RAB18: variants seen among roughly 807,000 people sequenced by gnomAD.
RAB18 encodes the protein RAB18, member RAS oncogene family.
RAB18 carries 10 observed loss-of-function variants against 28.5 expected under a neutral mutation model. The ratio of observed to expected loss-of-function variants is 0.35; its 90% CI spans 0.22 to 0.60. The LOEUF (loss-of-function observed/expected upper bound fraction) is 0.60. RAB18 is among the 20% of genes least tolerant of loss of function. RAB18 has a pLI of 0.78. For missense variants in RAB18, 188 were observed against 244.2 expected (o/e 0.77, Z 1.53); for synonymous variants, 93 against 86.9 (o/e 1.07, Z -0.39).
intron 2 of RAB18, chr10:27,510,168 A>G (rs1056704485): frequency 1.8e-6 from 1 of 547,590 alleles, no homozygotes; most frequent in African/African-American, 1.9e-5. Context: ...AAAACTGCTA[A>G]TGTGATTATC....
intron 1 of RAB18, among the ~76,000 whole-genome samples, chr10:27,506,985 T>C (rs1487841995): frequency 2.0e-5 from 3 of 152,246 alleles, no homozygotes; most frequent in Non-Finnish European, 1.5e-5. Flanking sequence ...TAGCTAGATA[T>C]ACATTATTGG....
intron 2 of RAB18, among the ~76,000 whole-genome samples, chr10:27,515,228 A>G (rs1223389570): frequency 6.6e-6 from 1 of 152,174 alleles, no homozygotes; most frequent in African/African-American, 2.4e-5. Context: ...ATTGGTAAGC[A>G]TGGAAATTAG....
intron 1 of RAB18, chr10:27,504,845 G>C (rs960827746): frequency 2.2e-6 from 1 of 464,822 alleles, no homozygotes; most frequent in Non-Finnish European, 4.4e-6. Context: ...GGGAGACATA[G>C]CTTTCCCACT....
rs1322156022 is a variant in RAB18, at chr10:27,542,114, G to A, written c.*4063G>A. 2 of 454,008 alleles carry A rather than the reference G, an allele frequency of 4.4e-6. No homozygotes were observed. The highest frequency in any genetic ancestry group is 8.8e-6 in the Non-Finnish European group (2 of 226,800). The allele number at this position is 454,008 out of a possible 1,614,324, so 28.1% of individuals were successfully genotyped here. ...AATATAAAGGAACCAGCCTGAGGCA[G>A]TACCAGGGTGAGAGGGAGTCTATTG... On this transcript the variant is annotated 3_prime_UTR_variant, in exon 7 of 7. Transcript: ENST00000356940.
Position 27,541,344 on chromosome 10 carries a change from CTTTT to C in RAB18, c.*3305_*3308del, listed in dbSNP as rs36085130. On this transcript the variant is annotated 3_prime_UTR_variant, in exon 7 of 7. Transcript: ENST00000356940. Reference sequence around the variant, plus strand: ...CTAAGGAATATAGAATCACCCAGGTCTTTTTTTTTTTTTTTAATTTTTCTCTCCT... The same window carrying C: ...CTAAGGAATATAGAATCACCCAGGTCTTTTTTTTTTTAATTTTTCTCTCCT... 4 of 421,858 alleles carry C rather than the reference CTTTT, an allele frequency of 9.5e-6. No homozygotes were observed. In the East Asian group the frequency reaches 2.1e-4, roughly 22 times the overall value. 26.1% of individuals were successfully genotyped at this position (421,858 alleles called of 1,614,324 possible).
chr10:27,541,662 C>T lies in RAB18; in HGVS notation c.*3611C>T, dbSNP rs770577425. ...TTTTTTTTTTTTCCTCTTTTTTAAC[C>T]GGAGAAGCAACAAATTACGTAGTTT... On this transcript the variant is annotated 3_prime_UTR_variant, in exon 7 of 7. Coordinates refer to ENST00000356940, the MANE Select transcript of RAB18 (RefSeq NM_021252.5). 81 of 449,204 alleles carry T rather than the reference C, an allele frequency of 1.8e-4. No homozygotes were observed. The highest frequency in any genetic ancestry group is 1.4e-3 in the Admixed American group (59 of 41,834). 27.8% of individuals were successfully genotyped at this position (449,204 alleles called of 1,614,324 possible).
chr10:27,530,403 A>G (rs1380017514), intron 3 of RAB18, among the ~76,000 whole-genome samples: 1 of 151,452 alleles, frequency 6.6e-6, no homozygotes, highest in East Asian at 1.9e-4. Flanking sequence ...TTGTCTTTTC[A>G]GTAATGGCTT....
intron 2 of RAB18, among the ~76,000 whole-genome samples, chr10:27,516,863 G>C (rs1354288322): frequency 1.3e-5 from 2 of 152,188 alleles, no homozygotes; most frequent in East Asian, 3.8e-4. Flanking sequence ...GTTGAAAATA[G>C]ATGAACCAGG....
At chr10:27,514,765 G>GT (rs977730513) in intron 2 of RAB18, among the ~76,000 whole-genome samples, 5 of 151,208 alleles carry the variant, frequency 3.3e-5, no homozygotes, top group Non-Finnish European at 5.9e-5. Context: ...AAGTTTTTTT[G>GT]TTTTTTTGTT....
At chr10:27,532,839 G>A (rs1049050622) in intron 4 of RAB18, among the ~76,000 whole-genome samples, 6 of 152,056 alleles carry the variant, frequency 3.9e-5, no homozygotes, top group Non-Finnish European at 8.8e-5. Flanking sequence ...GGATTAATCA[G>A]CATATGTTGG....
intron 3 of RAB18, among the ~76,000 whole-genome samples, chr10:27,530,723 T>C (rs1048637056): frequency 1.3e-5 from 2 of 151,902 alleles, no homozygotes; most frequent in African/African-American, 4.8e-5. Flanking sequence ...CTAAAAGTGG[T>C]GACACTTTTA....
chr10:27,536,343 A>C (rs1463517703), intron 6 of RAB18, among the ~76,000 whole-genome samples: 1 of 152,164 alleles, frequency 6.6e-6, no homozygotes, highest in Non-Finnish European at 1.5e-5. Flanking sequence ...ACGTGGATAG[A>C]AAAGGGCTGA....
At chr10:27,530,155 G>A (rs1446418384) in intron 3 of RAB18, among the ~76,000 whole-genome samples, 1 of 151,938 alleles carries the variant, frequency 6.6e-6, no homozygotes, top group African/African-American at 2.4e-5. Flanking sequence ...TGGAAGTTAT[G>A]GATACAGTTT....
At chr10:27,527,698 A>G (rs1345871568) in intron 3 of RAB18, among the ~76,000 whole-genome samples, 1 of 152,130 alleles carries the variant, frequency 6.6e-6, no homozygotes, top group Non-Finnish European at 1.5e-5. Context: ...CTGATCAGTC[A>G]TCAAATCGAG....
chr10:27,541,549 C>A lies in RAB18; in HGVS notation c.*3498C>A, dbSNP rs899544464. On this transcript the variant is annotated 3_prime_UTR_variant, in exon 7 of 7. Coordinates refer to ENST00000356940, the MANE Select transcript of RAB18 (RefSeq NM_021252.5). ...TTCAATGAATGTAAGCACACACACA[C>A]CTACACACATATTTTGAATAGTCGT... 1 of 453,826 alleles carries A rather than the reference C, an allele frequency of 2.2e-6. No individual in the cohort carries two copies. The highest frequency in any genetic ancestry group is 2.4e-5 in the Admixed American group (1 of 42,552). 28.1% of individuals were successfully genotyped at this position (453,826 alleles called of 1,614,324 possible).
intron 6 of RAB18, 115 bp downstream of exon 6, chr10:27,534,109 A>G: frequency 9.8e-7 from 1 of 1,017,616 alleles, no homozygotes; most frequent in Non-Finnish European, 1.5e-6. Context: ...TATTGTTCCT[A>G]GTTGCCTTGT....
Position 27,533,715 on chromosome 10 carries a change from A to G in RAB18, c.260-20A>G, listed in dbSNP as rs948674585. The stretch of plus-strand genomic sequence containing the variant: ...TTCTTTCTTTAATGCTTATTTAACA[A>G]ATGACTCCTTTTATTTCAGTTTATG... On this transcript the variant is annotated intron_variant, in intron 4 of 6. Transcript: ENST00000356940. 3 of 1,611,072 alleles carry G rather than the reference A, an allele frequency of 1.9e-6. No homozygotes were observed. The highest frequency in any genetic ancestry group is 2.5e-6 in the Non-Finnish European group (3 of 1,178,982).
intron 3 of RAB18, among the ~76,000 whole-genome samples, chr10:27,528,110 TTTA>T (rs1564834761): frequency 6.6e-6 from 1 of 152,150 alleles, no homozygotes; most frequent in Non-Finnish European, 1.5e-5. Flanking sequence ...TCATGGTTAA[TTTA>T]TTATCCCTTT....
Position 27,504,313 on chromosome 10 carries a change from A to G in RAB18, c.-57A>G. On this transcript the variant is annotated 5_prime_UTR_variant, in exon 1 of 7. Transcript: ENST00000356940. ...GCATGCGCAGCAGCTCACTCTGCTG[A>G]AGGGCTGAGAGGCGCACCCGGGCGG... 6.6e-7 allele frequency: 1 copy of G among 1,518,626 alleles called. No individual in the cohort carries two copies. Among genetic ancestry groups the G allele is most frequent in the Non-Finnish European group, 8.9e-7 (1 of 1,120,394 alleles). The allele number at this position is 1,518,626 out of a possible 1,614,324, so 94.1% of individuals were successfully genotyped here.
Sources: allele counts gnomAD v4.1 joint callset (sites outside exome capture counted in the v4.1 genomes callset), GRCh38; gene constraint gnomAD v4.1.1; transcripts MANE v1.5; gene names NCBI Gene and HGNC (gene_info 2026-07-23, HGNC 2026-07-21).